The following KCNJ15 variants were observed in gnomAD, a reference collection of about 807,000 sequenced individuals.
KCNJ15 encodes the protein ATP-sensitive inward rectifier potassium channel 15.
KCNJ15 carries 14 observed loss-of-function variants against 23.0 expected under a neutral mutation model. That is an observed-to-expected ratio of 0.61 (90% confidence interval 0.40 to 0.95). The LOEUF is 0.95. Ranked by LOEUF, KCNJ15 falls within the 40% of genes least tolerant of loss-of-function variation. The probability of loss-of-function intolerance (pLI) is 0.00; values close to 1 mark genes in which losing one functional copy is unlikely to be tolerated. For missense variants in KCNJ15, 388 were observed against 461.8 expected, an observed-to-expected ratio of 0.84 and a Z score of 1.46; for synonymous variants, 185 against 183.2, an observed-to-expected ratio of 1.01 and a Z score of -0.08.
chr21:38,234,128 T>A (rs1978445708), intron 1 of KCNJ15, among the ~76,000 whole-genome samples: 2 of 152,216 alleles, frequency 1.3e-5, no homozygotes, highest in Non-Finnish European at 2.9e-5. Flanking sequence ...ATTTTATCTT[T>A]GTTATAAGCC....
rs1244742337 is a variant in KCNJ15 at position 38,296,919 on chromosome 21, C to A, written c.-116-7C>A. ...TCTATGAATCCATGTGTCCCTCTTT[C>A]TTTCAGGCAGTAGCAGAATCCCATG... On this transcript the variant is annotated splice_region_variant and splice_polypyrimidine_tract_variant and intron_variant, in intron 1 of 2. Transcript: ENST00000398938. 1.3e-5 allele frequency: 2 copies of A among 152,716 alleles called. No individual in the cohort carries two copies. The highest frequency in any genetic ancestry group is 2.9e-5 in the Non-Finnish European group (2 of 68,100). 9.5% of individuals were successfully genotyped at this position (152,716 alleles called of 1,614,324 possible).
chr21:38,274,485 A>G (rs1982443156), intron 1 of KCNJ15, among the ~76,000 whole-genome samples: 1 of 152,200 alleles, frequency 6.6e-6, no homozygotes, highest in African/African-American at 2.4e-5. Context: ...ACTTCCCCAC[A>G]ACTAGAATAT....
At position 38,250,383 on chromosome 21, in the gene KCNJ15, C is replaced by T. The variant is rs114736901; in HGVS notation, c.-398-6663C>T. Among the ~76,000 whole-genome samples the T allele has an allele frequency of 4.6e-3, 706 of 152,134 alleles. 5 individuals are homozygous for T. Among genetic ancestry groups the T allele is most frequent in the African/African-American group, 0.016 (644 of 41,498 alleles). ...TGGTTCAGTATGTTACAAATGAGGA[C>T]GTTATAGCCTAATAATATCACTACA... On this transcript the variant is annotated intron_variant, in intron 1 of 4. Transcript: ENST00000547341.
chr21:38,243,271 T>A (rs750207577), intron 1 of KCNJ15, among the ~76,000 whole-genome samples: 15 of 152,192 alleles, frequency 9.9e-5, no homozygotes, highest in Non-Finnish European at 1.9e-4. Context: ...AGGACAACAC[T>A]TACACTCAGG....
At chr21:38,259,382 C>T (rs1703965831) in intron 1 of KCNJ15, among the ~76,000 whole-genome samples, 1 of 152,170 alleles carries the variant, frequency 6.6e-6, no homozygotes, top group Non-Finnish European at 1.5e-5. Context: ...TTGTTGAAGG[C>T]ATATACACCT....
intron 1 of KCNJ15, among the ~76,000 whole-genome samples, chr21:38,245,583 A>G (rs986916695): frequency 2.7e-5 from 4 of 150,252 alleles, no homozygotes; most frequent in Non-Finnish European, 5.9e-5. Flanking sequence ...GAAAGAAAGA[A>G]AGAGAGAGAG....
intron 1 of KCNJ15, chr21:38,285,496 G>A (rs1382840129): frequency 6.6e-6 from 1 of 152,170 alleles, no homozygotes; most frequent in Non-Finnish European, 1.5e-5. Context: ...GCAGGGTCCT[G>A]TGCTCTTAAT....
At chr21:38,238,602 G>A (rs1004950439) in intron 1 of KCNJ15, 30 of 610,452 alleles carry the variant, frequency 4.9e-5, no homozygotes, top group African/African-American at 4.6e-4. Flanking sequence ...TCCAGTCCTT[G>A]TGACTCGTGA....
rs767855624 is a variant in KCNJ15 at position 38,300,102 on chromosome 21, G to T, written c.841G>T (p.Val281Phe). Residue 281 changes from valine to phenylalanine, a missense_variant, in exon 3 of 3, where the codon GTC (valine) becomes TTC (phenylalanine). Coordinates refer to ENST00000398938, the MANE Select transcript of KCNJ15 (RefSeq NM_170736.3). ...AAAGGAGAAGGAGTTTGAGCTTGTG[G>T]TCCTCCTCAATGCCACTGTGGAATC... is the stretch of plus-strand genomic sequence containing the variant. The part of the protein sequence containing the change: ...NLKEKEFELV[V>F]LLNATVESTS... The T allele has an allele frequency of 6.2e-7, 1 of 1,614,098 alleles. No individual in the cohort carries two copies. The highest frequency in any genetic ancestry group is 1.3e-5 in the African/African-American group (1 of 75,012).
chr21:38,291,130 T>C (rs1412337140), intron 1 of KCNJ15, among the ~76,000 whole-genome samples: 2 of 151,954 alleles, frequency 1.3e-5, no homozygotes, highest in Non-Finnish European at 2.9e-5. Context: ...AACAATGGGG[T>C]GTCTGGGGGC....
intron 1 of KCNJ15, among the ~76,000 whole-genome samples, chr21:38,280,558 C>T (rs1290863139): frequency 6.6e-6 from 1 of 152,136 alleles, no homozygotes; most frequent in Non-Finnish European, 1.5e-5. Context: ...TTACTGTTAG[C>T]ACTACCGAAT....
intron 1 of KCNJ15, among the ~76,000 whole-genome samples, chr21:38,235,819 G>A (rs930426597): frequency 2.0e-4 from 31 of 152,194 alleles, no homozygotes; most frequent in South Asian, 6.2e-4. Context: ...ATAAAATACC[G>A]CTTAAAGATA....
At chr21:38,247,985 A>G (rs1979565524) in intron 1 of KCNJ15, among the ~76,000 whole-genome samples, 1 of 152,214 alleles carries the variant, frequency 6.6e-6, no homozygotes, top group Admixed American at 6.5e-5. Context: ...GTGAACTGAC[A>G]AGTGTTATTG....
At chr21:38,243,657 G>A (rs1185565527) in intron 1 of KCNJ15, among the ~76,000 whole-genome samples, 1 of 152,144 alleles carries the variant, frequency 6.6e-6, no homozygotes, top group African/African-American at 2.4e-5. Flanking sequence ...CCTGACCTCA[G>A]GTGATCTGCC....
At chr21:38,240,909 C>T (rs1321521684) in intron 1 of KCNJ15, among the ~76,000 whole-genome samples, 1 of 152,132 alleles carries the variant, frequency 6.6e-6, no homozygotes, top group Non-Finnish European at 1.5e-5. Context: ...ACAGGTGGTA[C>T]CAGCCACTGG....
chr21:38,272,015 A>T (rs1366065172), intron 1 of KCNJ15, among the ~76,000 whole-genome samples: 1 of 152,234 alleles, frequency 6.6e-6, no homozygotes, highest in Non-Finnish European at 1.5e-5. Context: ...TTTAAGAATT[A>T]CTAAAGTATG....
At chr21:38,282,571 C>T (rs1008746485) in intron 1 of KCNJ15, among the ~76,000 whole-genome samples, 6 of 152,086 alleles carry the variant, frequency 3.9e-5, no homozygotes, top group Admixed American at 6.5e-5. Flanking sequence ...ATTCTTCACC[C>T]GAACAATGTG....
At chr21:38,239,575 G>C (rs1978852758) in intron 1 of KCNJ15, among the ~76,000 whole-genome samples, 1 of 152,060 alleles carries the variant, frequency 6.6e-6, no homozygotes, top group East Asian at 1.9e-4. Context: ...CACATTTTTG[G>C]TACCCTAGGA....
chr21:38,288,018 G>GTTTTTT (rs1395005811), intron 1 of KCNJ15, among the ~76,000 whole-genome samples: 8 of 26,010 alleles, frequency 3.1e-4, no homozygotes, highest in Non-Finnish European at 7.2e-4. Context: ...TAAATAACTT[G>GTTTTTT]TTTTTTTCTT....
Sources: allele counts gnomAD v4.1 joint callset (sites outside exome capture counted in the v4.1 genomes callset), GRCh38; gene constraint gnomAD v4.1.1; transcripts MANE v1.5; gene names NCBI Gene and HGNC (gene_info 2026-07-23, HGNC 2026-07-21).